Variants in SCARB2 observed in about 807,000 individuals in gnomAD.
SCARB2 encodes the protein lysosome membrane protein 2.
In SCARB2, 29 loss-of-function variants were observed where a neutral mutation model predicts 58.6. The ratio of observed to expected loss-of-function variants is 0.49; its 90% CI spans 0.37 to 0.67. The LOEUF (loss-of-function observed/expected upper bound fraction) is 0.67. SCARB2 is among the 30% of genes least tolerant of loss of function. The pLI is 0.00. For missense variants in SCARB2, 488 were observed against 578.5 expected (o/e 0.84, Z 1.60); for synonymous variants, 195 against 210.1 (o/e 0.93, Z 0.62).
At chr4:76,201,325 T>C (rs1332056313) in intron 1 of SCARB2, among the ~76,000 whole-genome samples, 1 of 152,212 alleles carries the variant, frequency 6.6e-6, no homozygotes, top group East Asian at 1.9e-4. Flanking sequence ...TCACAAGTTT[T>C]ATAAGGAAAA....
intron 7 of SCARB2, chr4:76,173,328 CT>C (rs3064566): frequency 0.049 from 7,191 of 145,638 alleles, 496 homozygotes; most frequent in African/African-American, 0.16. Context: ...TTTCTTTTAG[CT>C]TTTTTTTTTT....
chr4:76,213,121 A>C (rs527282041), intron 1 of SCARB2: 9 of 391,306 alleles, frequency 2.3e-5, no homozygotes, highest in South Asian at 2.0e-4. Context: ...GTTTGGGCCC[A>C]CCTGAGATTG....
chr4:76,224,390 G>T (rs1005852580), intron 1 of SCARB2, among the ~76,000 whole-genome samples: 4 of 152,302 alleles, frequency 2.6e-5, no homozygotes, highest in African/African-American at 9.6e-5. Flanking sequence ...CAGAAATGGA[G>T]AGAGGAGGGG....
chr4:76,205,481 T>C (rs1732911402), intron 1 of SCARB2, among the ~76,000 whole-genome samples: 1 of 152,230 alleles, frequency 6.6e-6, no homozygotes, highest in African/African-American at 2.4e-5. Flanking sequence ...ATTTAGCCAT[T>C]TCACTATGTA....
intron 11 of SCARB2, chr4:76,162,636 G>A (rs1182297812): frequency 6.3e-6 from 1 of 159,342 alleles, no homozygotes; most frequent in Non-Finnish European, 1.4e-5. Context: ...TTCTTTCCAA[G>A]CAGGACCCTG....
At chr4:76,162,043 G>C (rs1158131225) in intron 11 of SCARB2, 4 of 486,884 alleles carry the variant, frequency 8.2e-6, no homozygotes, top group African/African-American at 3.9e-5. Context: ...CTCCTTCCTG[G>C]TTTGAAACCT....
intron 1 of SCARB2, among the ~76,000 whole-genome samples, chr4:76,198,353 C>G (rs1030664664): frequency 2.0e-5 from 3 of 152,178 alleles, no homozygotes; most frequent in Non-Finnish European, 4.4e-5. Flanking sequence ...TTTTAGGCAA[C>G]CATAAATCCA....
At chr4:76,186,583 G>C (rs1326201569) in intron 2 of SCARB2, among the ~76,000 whole-genome samples, 3 of 152,174 alleles carry the variant, frequency 2.0e-5, no homozygotes, top group Non-Finnish European at 4.4e-5. Context: ...GAAGTGGTAA[G>C]AGCAGGGTCG....
intron 6 of SCARB2, 47 bp downstream of exon 6, chr4:76,175,744 G>C (rs868799220): frequency 6.2e-7 from 1 of 1,609,238 alleles, no homozygotes; most frequent in Non-Finnish European, 8.5e-7. Context: ...TGGTCTTGCA[G>C]TGAAAGACCT....
chr4:76,170,028 A>T (rs1191220178), intron 7 of SCARB2, 43 bp from the exon 8 acceptor site: 1 of 1,518,516 alleles, frequency 6.6e-7, no homozygotes, highest in South Asian at 1.1e-5. Context: ...CTGTTTTTAA[A>T]ATCTAAGCTG....
At chr4:76,196,627 A>T (rs1009492940) in intron 1 of SCARB2, among the ~76,000 whole-genome samples, 1 of 152,180 alleles carries the variant, frequency 6.6e-6, no homozygotes, top group Non-Finnish European at 1.5e-5. Flanking sequence ...GTCCTTTTTC[A>T]AGTCAAACCA....
At chr4:76,175,959 T>C in intron 5 of SCARB2, 49 bp from the exon 6 acceptor site, 1 of 1,607,822 alleles carries the variant, frequency 6.2e-7, no homozygotes, top group Non-Finnish European at 8.5e-7. Context: ...CATTTGAGTT[T>C]AGATTCTCTT....
At position 76,195,540 on chromosome 4, in the gene SCARB2, T is replaced by C. The variant is rs575692485; in HGVS notation, c.275+167A>G. On this transcript the variant is annotated intron_variant, in intron 2 of 11. Coordinates refer to ENST00000264896, the MANE Select transcript of SCARB2 (RefSeq NM_005506.4). ...CCCAGTCTACAAAGCCATTCTCTGC[T>C]GAGGTTTCACACACACATACAAAAC... 8.5e-5 allele frequency: 54 copies of C among 632,518 alleles called. No individual in the cohort carries two copies. The African/African-American group carries it at 9.3e-4, about 11-fold the overall frequency. The allele number at this position is 632,518 out of a possible 1,614,324, so 39.2% of individuals were successfully genotyped here.
Position 76,161,563 on chromosome 4 carries a change from T to G in SCARB2, c.*150A>C. The G allele has an allele frequency of 1.3e-6, 1 of 796,274 alleles. No individual in the cohort carries two copies. The highest frequency in any genetic ancestry group is 2.2e-6 in the Non-Finnish European group (1 of 458,688). The allele number at this position is 796,274 out of a possible 1,614,324, so 49.3% of individuals were successfully genotyped here. Reference sequence around the variant, plus strand: ...AGCCATGTCAGCCTGCTCTTTAACCTCTGGCCAGAATGTTCCTATCACTTG... The same window carrying G: ...AGCCATGTCAGCCTGCTCTTTAACCGCTGGCCAGAATGTTCCTATCACTTG... On this transcript the variant is annotated 3_prime_UTR_variant, in exon 12 of 12. Coordinates refer to ENST00000264896, the MANE Select transcript of SCARB2 (RefSeq NM_005506.4).
rs1196767657 is a variant in SCARB2, at chr4:76,160,913, A to T, written c.*800T>A. On this transcript the variant is annotated 3_prime_UTR_variant, in exon 12 of 12. Transcript: ENST00000264896. Reference sequence around the variant, plus strand: ...TTTTCGTAGCATGATCATTTTGACTAAAAAAAAAACAGTTAACTATCCACA... The same window carrying T: ...TTTTCGTAGCATGATCATTTTGACTTAAAAAAAAACAGTTAACTATCCACA... The T allele has an allele frequency of 2.7e-5, 4 of 147,752 alleles. No individual in the cohort carries two copies. The highest frequency in any genetic ancestry group is 6.0e-5 in the Non-Finnish European group (4 of 66,840). The allele number at this position is 147,752 out of a possible 1,614,324, so 9.2% of individuals were successfully genotyped here.
chr4:76,180,865 G>T, intron 3 of SCARB2, 89 bp downstream of exon 3: 3 of 1,100,112 alleles, frequency 2.7e-6, no homozygotes, highest in Non-Finnish European at 3.9e-6. Context: ...TAACTTAATG[G>T]CTCCTAAATG....
Position 76,213,475 on chromosome 4 carries a change from C to A in SCARB2, c.69G>T (p.Leu23=). Residue 23 remains leucine (L), a synonymous_variant, in exon 1 of 12, where the codon CTG becomes CTT. Coordinates refer to ENST00000264896, the MANE Select transcript of SCARB2 (RefSeq NM_005506.4). ...SLLLLVTSVT[L]LVARVFQKAV... ...CCTTCTGGAAGACCCGGGCCACCAG[C>A]AGCGTGACGCTGGTCACCAGCAGGA... is the stretch of plus-strand genomic sequence containing the variant. 1 of 1,610,982 alleles carries A rather than the reference C, an allele frequency of 6.2e-7. No individual in the cohort carries two copies. The highest frequency in any genetic ancestry group is 8.5e-7 in the Non-Finnish European group (1 of 1,178,664).
intron 6 of SCARB2, 39 bp from the exon 7 acceptor site, chr4:76,174,352 G>C (rs1578719711): frequency 2.5e-6 from 4 of 1,603,118 alleles, no homozygotes; most frequent in Middle Eastern, 1.7e-4. Context: ...TGTGGACTCT[G>C]GTCAGTGTAA....
intron 4 of SCARB2, chr4:76,179,028 G>GGTTTTT (rs751604931): frequency 0.011 from 1,828 of 163,102 alleles, 51 homozygotes; most frequent in Admixed American, 0.057. Flanking sequence ...TGCACTCCAG[G>GGTTTTT]GTTTTTGTTT....
Sources: gnomAD v4.1 joint callset for allele counts (sites outside exome capture counted in the v4.1 genomes callset) on GRCh38, gnomAD v4.1.1 for gene constraint, MANE v1.5 for transcripts, NCBI Gene and HGNC (gene_info 2026-07-23, HGNC 2026-07-21) for gene names.